SASH1: variants seen among roughly 807,000 people sequenced by gnomAD.
SASH1 encodes SAM and SH3 domain-containing protein 1.
SASH1 carries 44 observed loss-of-function variants against 125.2 expected under a neutral mutation model. The observed-to-expected ratio is 0.35, with a 90% CI of 0.28 to 0.45. SASH1 has a LOEUF of 0.45. Ranked by LOEUF, SASH1 falls within the 20% of genes least tolerant of loss-of-function variation. SASH1 has a pLI of 1.00. For missense variants in SASH1, 1,426 were observed against 1,614.5 expected, an observed-to-expected ratio of 0.88 and a Z score of 2.00; for synonymous variants, 639 against 649.1, an observed-to-expected ratio of 0.98 and a Z score of 0.24.
intron 12 of SASH1, among the ~76,000 whole-genome samples, chr6:148,528,748 C>T (rs1456856773): frequency 1.3e-5 from 2 of 152,160 alleles, no homozygotes; most frequent in Non-Finnish European, 2.9e-5. Flanking sequence ...TCGTGGAAGG[C>T]AATTTTTCCA....
chr6:148,368,274 C>CT (rs146286736), intron 1 of SASH1, among the ~76,000 whole-genome samples: 8,181 of 151,882 alleles, frequency 0.054, 758 homozygotes, highest in African/African-American at 0.19. Context: ...GATCTGCTCT[C>CT]TTTTTTCTTT....
chr6:148,450,296 G>C (rs956850937), intron 4 of SASH1, among the ~76,000 whole-genome samples: 22 of 152,132 alleles, frequency 1.4e-4, no homozygotes, highest in Admixed American at 3.9e-4. Context: ...TTTTCACCTT[G>C]GTAATCAGTG....
intron 1 of SASH1, among the ~76,000 whole-genome samples, chr6:148,346,357 A>C (rs1357616513): frequency 6.6e-6 from 1 of 152,198 alleles, no homozygotes; most frequent in Non-Finnish European, 1.5e-5. Context: ...ATAATTGTTA[A>C]CAAAGTGCTC....
At position 148,451,910 on chromosome 6, in the gene SASH1, C is replaced by T. The variant is rs555917902; in HGVS notation, c.386+11503C>T. On this transcript the variant is annotated intron_variant, in intron 4 of 19. Coordinates refer to ENST00000367467, the MANE Select transcript of SASH1 (RefSeq NM_015278.5). ...GGGCTGTGGTGTAGGGTGGAGACACCCATGTTTTCCCCCAGGGAGCATGTG... is the reference window on the plus strand; with the variant it reads ...GGGCTGTGGTGTAGGGTGGAGACACTCATGTTTTCCCCCAGGGAGCATGTG... 2.6e-5 allele frequency among the ~76,000 whole-genome samples: 4 copies of T among 152,158 alleles called. No individual in the cohort carries two copies. The East Asian group carries it at 7.8e-4, about 30-fold the overall frequency.
chr6:148,418,803 G>A (rs1784929090), intron 2 of SASH1, among the ~76,000 whole-genome samples: 1 of 146,082 alleles, frequency 6.8e-6, no homozygotes, highest in African/African-American at 2.6e-5. Flanking sequence ...GGCCCAGGAG[G>A]AGGCAGCATC....
chr6:148,473,414 C>T (rs1425111371), intron 6 of SASH1, among the ~76,000 whole-genome samples: 4 of 152,048 alleles, frequency 2.6e-5, no homozygotes, highest in Non-Finnish European at 4.4e-5. Flanking sequence ...CCACCATGCC[C>T]GGCTAATTTC....
chr6:148,534,631 C>T, intron 15 of SASH1, 120 bp from the exon 16 acceptor site: 1 of 972,184 alleles, frequency 1.0e-6, no homozygotes, highest in East Asian at 2.4e-5. Context: ...ACTTACTAAT[C>T]TTTTGATTAG....
At chr6:148,286,747 ACT>A (rs1338508020) in intron 1 of SASH1, among the ~76,000 whole-genome samples, 2 of 151,722 alleles carry the variant, frequency 1.3e-5, no homozygotes, top group Non-Finnish European at 2.9e-5. Context: ...CTCTTTTAAA[ACT>A]CTGTCTCCAA....
upstream of SASH1, among the ~76,000 whole-genome samples, chr6:148,338,394 T>C (rs1199763882): frequency 6.9e-6 from 1 of 145,982 alleles, no homozygotes; most frequent in Non-Finnish European, 1.5e-5. Flanking sequence ...GCCACTGCAC[T>C]ACATCCTGGG....
chr6:148,217,453 C>T, the SASH1 span, among the ~76,000 whole-genome samples: 1 of 152,190 alleles, frequency 6.6e-6, no homozygotes, highest in African/African-American at 2.4e-5. Flanking sequence ...ACTTTCCATC[C>T]TCACAGTAGC....
chr6:148,431,333 G>A (rs1238402766), intron 2 of SASH1, among the ~76,000 whole-genome samples: 2 of 152,168 alleles, frequency 1.3e-5, no homozygotes, highest in East Asian at 3.9e-4. Context: ...CTAGTGGCTG[G>A]GACTACAGAT....
intron 1 of SASH1, among the ~76,000 whole-genome samples, chr6:148,302,403 G>A (rs1370950824): frequency 6.7e-6 from 1 of 148,862 alleles, no homozygotes; most frequent in Non-Finnish European, 1.5e-5. Context: ...GTAAGTAATT[G>A]CCTACCATTT....
At position 148,342,909 on chromosome 6, in the gene SASH1, G is replaced by A. The variant is rs1781379112; in HGVS notation, c.-159G>A. ...ACCCGAGGTGCGGGCGCCTGCGAAGGGCCCCCGCGGGGTGGCCGGGGCCGC... is the reference window on the plus strand; with the variant it reads ...ACCCGAGGTGCGGGCGCCTGCGAAGAGCCCCCGCGGGGTGGCCGGGGCCGC... On this transcript the variant is annotated 5_prime_UTR_variant, in exon 1 of 20. Transcript: ENST00000367467. 3 of 550,746 alleles carry A rather than the reference G, an allele frequency of 5.4e-6. No homozygotes were observed. The highest frequency in any genetic ancestry group is 4.6e-6 in the Non-Finnish European group (2 of 432,560). 34.1% of individuals were successfully genotyped at this position (550,746 alleles called of 1,614,324 possible).
the SASH1 span, among the ~76,000 whole-genome samples, chr6:148,264,188 A>T: frequency 6.6e-6 from 1 of 151,840 alleles, no homozygotes; most frequent in Non-Finnish European, 1.5e-5. Flanking sequence ...AAAAAAAAAA[A>T]AAAAAAAAAG....
chr6:148,367,743 C>T (rs553798559), intron 1 of SASH1, among the ~76,000 whole-genome samples: 1 of 152,240 alleles, frequency 6.6e-6, no homozygotes, highest in African/African-American at 2.4e-5. Flanking sequence ...GGAGCTGCTG[C>T]CCCCATCCCC....
intron 1 of SASH1, among the ~76,000 whole-genome samples, chr6:148,368,206 G>A (rs572559459): frequency 2.0e-5 from 3 of 152,174 alleles, no homozygotes; most frequent in Non-Finnish European, 2.9e-5. Context: ...CAGTGAGCCC[G>A]TACTTCTGTG....
At position 148,306,078 on chromosome 6, in the gene SASH1, A is replaced by T. The variant is rs1417667496; in HGVS notation, n.74+33701A>T. Among the ~76,000 whole-genome samples the T allele has an allele frequency of 2.6e-5, 4 of 152,266 alleles. No homozygotes were observed. In the South Asian group the frequency reaches 6.2e-4, roughly 24 times the overall value. On this transcript the variant is annotated intron_variant and non_coding_transcript_variant, in intron 1 of 3. Coordinates refer to the SASH1 transcript ENST00000367469. The stretch of plus-strand genomic sequence containing the variant: ...AAAAATTCAAAATTAAAACAATTTT[A>T]AAAAAAGAAAACAGAACCCTGGAAG...
At chr6:148,525,414 T>C (rs776242639) in intron 11 of SASH1, 49 bp downstream of exon 11, 10 of 1,352,706 alleles carry the variant, frequency 7.4e-6, no homozygotes, top group South Asian at 3.5e-5. Context: ...GGCGATGAGG[T>C]TGACAATAGT....
intron 1 of SASH1, among the ~76,000 whole-genome samples, chr6:148,357,012 AG>A (rs1475837539): frequency 6.6e-6 from 1 of 152,112 alleles, no homozygotes; most frequent in Admixed American, 6.5e-5. Context: ...TCATGTACTT[AG>A]CCCACTTTTT....
Sources: allele counts gnomAD v4.1 joint callset (sites outside exome capture counted in the v4.1 genomes callset), GRCh38; gene constraint gnomAD v4.1.1; transcripts MANE v1.5; gene names NCBI Gene and HGNC (gene_info 2026-07-23, HGNC 2026-07-21).